TFEC: variants seen among roughly 807,000 people sequenced by gnomAD.
The protein encoded by TFEC is class E basic helix-loop-helix protein 34.
A neutral mutation model predicts 41.6 loss-of-function variants in TFEC; 31 were observed. That is an observed-to-expected ratio of 0.74 (90% confidence interval 0.56 to 1.01). The LOEUF is 1.01. Ranked by LOEUF, TFEC falls within the 50% of genes least tolerant of loss-of-function variation. The pLI is 0.00. For missense variants in TFEC, 402 were observed against 404.1 expected (o/e 0.99, Z 0.04); for synonymous variants, 143 against 140.6 (o/e 1.02, Z -0.12).
rs540965706 is a variant in TFEC at position 116,079,186 on chromosome 7, A to G, written c.198+31522T>C. ...GCATAGAAGGAACATACCTTAAGGTAATAAAAGCCATCTACTACAAACCCA... is the reference window on the plus strand; with the variant it reads ...GCATAGAAGGAACATACCTTAAGGTGATAAAAGCCATCTACTACAAACCCA... On this transcript the variant is annotated intron_variant, in intron 3 of 8. Transcript: ENST00000484212. Among the ~76,000 whole-genome samples the G allele has an allele frequency of 9.2e-5, 14 of 152,266 alleles. No homozygotes were observed. In the East Asian group the frequency reaches 2.7e-3, roughly 29 times the overall value.
intron 3 of TFEC, among the ~76,000 whole-genome samples, chr7:116,048,731 G>T (rs1480222279): frequency 6.6e-6 from 1 of 152,186 alleles, no homozygotes. Context: ...CAATCAGAGA[G>T]AAAGGTCAGG....
chr7:116,011,971 G>A (rs1795019031), intron 1 of TFEC, among the ~76,000 whole-genome samples: 1 of 152,130 alleles, frequency 6.6e-6, no homozygotes, highest in African/African-American at 2.4e-5. Context: ...CTTCTTGTAG[G>A]ATCTGCAGAA....
chr7:116,123,242 G>T (rs1451211623), intron 1 of TFEC, among the ~76,000 whole-genome samples: 1 of 151,996 alleles, frequency 6.6e-6, no homozygotes, highest in African/African-American at 2.4e-5. Context: ...AAAAATATTG[G>T]GGGTTTGTTG....
At chr7:115,959,592 C>T (rs1301795337) in intron 3 of TFEC, among the ~76,000 whole-genome samples, 1 of 151,366 alleles carries the variant, frequency 6.6e-6, no homozygotes, top group Non-Finnish European at 1.5e-5. Context: ...TTATAAATAA[C>T]ATCAAAGGTA....
intron 3 of TFEC, among the ~76,000 whole-genome samples, chr7:116,108,925 CT>C (rs140849955): frequency 0.027 from 4,093 of 152,166 alleles, 70 homozygotes; most frequent in South Asian, 0.068. Flanking sequence ...AGAATTCTAA[CT>C]TTAAAAAACA....
At chr7:115,986,923 A>T (rs1345761111) in intron 1 of TFEC, among the ~76,000 whole-genome samples, 2 of 151,686 alleles carry the variant, frequency 1.3e-5, no homozygotes, top group Non-Finnish European at 2.9e-5. Flanking sequence ...ATATATAAAA[A>T]AACATAAAAA....
chr7:116,027,603 A>T (rs7778274), intron 1 of TFEC, among the ~76,000 whole-genome samples: 17,492 of 151,864 alleles, frequency 0.12, 1,203 homozygotes, highest in African/African-American at 0.18. Context: ...TCTCAAAAAA[A>T]TTTTTTAAAT....
chr7:115,964,222 C>T (rs747879971), intron 3 of TFEC, among the ~76,000 whole-genome samples: 2 of 151,408 alleles, frequency 1.3e-5, no homozygotes, highest in South Asian at 2.1e-4. Context: ...TAGTGGTAAT[C>T]GTATTATGAT....
At chr7:115,954,503 A>C in intron 5 of TFEC, 83 bp downstream of exon 5, 1 of 1,124,164 alleles carries the variant, frequency 8.9e-7, no homozygotes. Context: ...GAAAATACTT[A>C]TGGAGTATAA....
chr7:116,020,005 T>C (rs1436167090), intron 1 of TFEC, among the ~76,000 whole-genome samples: 1 of 152,184 alleles, frequency 6.6e-6, no homozygotes, highest in Non-Finnish European at 1.5e-5. Flanking sequence ...ACTGAAAGTT[T>C]GCTATGTGTC....
At chr7:116,082,012 T>C (rs1584493185) in intron 3 of TFEC, among the ~76,000 whole-genome samples, 1 of 152,002 alleles carries the variant, frequency 6.6e-6, no homozygotes, top group Non-Finnish European at 1.5e-5. Context: ...ATTTTACTTA[T>C]ATCTTTAGTA....
intron 3 of TFEC, among the ~76,000 whole-genome samples, chr7:116,073,019 A>G (rs953034590): frequency 5.9e-5 from 9 of 151,530 alleles, no homozygotes; most frequent in Non-Finnish European, 1.3e-4. Flanking sequence ...CAAAAAAATA[A>G]GCATCCAGAC....
chr7:115,972,556 T>C (rs1383375690), intron 3 of TFEC, among the ~76,000 whole-genome samples: 1 of 152,146 alleles, frequency 6.6e-6, no homozygotes. Flanking sequence ...TGCAGTCTCA[T>C]ATTGTGTGAA....
At chr7:116,076,623 C>T (rs1796966378) in intron 3 of TFEC, among the ~76,000 whole-genome samples, 1 of 151,824 alleles carries the variant, frequency 6.6e-6, no homozygotes, top group Non-Finnish European at 1.5e-5. Context: ...TAGAGAAATG[C>T]AAAATGCACT....
intron 3 of TFEC, among the ~76,000 whole-genome samples, chr7:115,962,901 G>A (rs1365150523): frequency 2.0e-5 from 3 of 151,686 alleles, no homozygotes; most frequent in African/African-American, 7.3e-5. Context: ...TATGCACAAC[G>A]TGCAGGTTGT....
chr7:116,041,219 G>T (rs1275795856), intron 3 of TFEC, among the ~76,000 whole-genome samples: 1 of 151,734 alleles, frequency 6.6e-6, no homozygotes, highest in Non-Finnish European at 1.5e-5. Flanking sequence ...TATATGTATT[G>T]CATTTCCCAT....
chr7:116,143,677 C>G (rs1798585809), intron 1 of TFEC, among the ~76,000 whole-genome samples: 1 of 152,124 alleles, frequency 6.6e-6, no homozygotes, highest in Admixed American at 6.6e-5. Context: ...GGGATCCTAG[C>G]AATTAGAAAA....
At chr7:116,007,370 T>C (rs1273360285) in intron 1 of TFEC, among the ~76,000 whole-genome samples, 1 of 152,210 alleles carries the variant, frequency 6.6e-6, no homozygotes, top group Non-Finnish European at 1.5e-5. Context: ...AAAGATTTAG[T>C]CAGAAATTAA....
chr7:116,155,570 G>GA (rs1050599596), intron 1 of TFEC, among the ~76,000 whole-genome samples: 28 of 151,122 alleles, frequency 1.9e-4, no homozygotes, highest in South Asian at 6.2e-4. Context: ...GCAGTGCCAG[G>GA]AAAAAAAAAG....
Sources: gnomAD v4.1 joint callset for allele counts (sites outside exome capture counted in the v4.1 genomes callset) on GRCh38, gnomAD v4.1.1 for gene constraint, MANE v1.5 for transcripts, NCBI Gene and HGNC (gene_info 2026-07-23, HGNC 2026-07-21) for gene names.